Variants in DPP10 observed in about 807,000 individuals in gnomAD.
The protein encoded by DPP10 is dipeptidyl peptidase like 10, also known as inactive dipeptidyl peptidase 10.
A neutral mutation model predicts 120.9 loss-of-function variants in DPP10; 33 were observed. That is an observed-to-expected ratio of 0.27 (90% CI 0.21 to 0.37). DPP10 has a LOEUF of 0.37. Among genes scored for constraint, DPP10 ranks in the 10% least tolerant of loss-of-function variants. The pLI is 1.00. For synonymous variants in DPP10, 337 were observed against 326.1 expected (o/e 1.03, Z -0.36); for missense variants, 816 against 942.8 (o/e 0.87, Z 1.76).
At chr2:115,182,050 C>G (rs1042164045) in intron 1 of DPP10, among the ~76,000 whole-genome samples, 1 of 152,034 alleles carries the variant, frequency 6.6e-6, no homozygotes, top group Non-Finnish European at 1.5e-5. Flanking sequence ...TACATTTTCA[C>G]TGTAAAATAG....
intron 19 of DPP10, among the ~76,000 whole-genome samples, chr2:115,801,255 G>A (rs1277073059): frequency 1.3e-5 from 2 of 152,058 alleles, no homozygotes; most frequent in Admixed American, 6.6e-5. Flanking sequence ...TTGGTGTATA[G>A]GAAGGCTTGT....
At chr2:115,568,865 G>A (rs1271215083) in intron 5 of DPP10, among the ~76,000 whole-genome samples, 1 of 152,044 alleles carries the variant, frequency 6.6e-6, no homozygotes, top group African/African-American at 2.4e-5. Context: ...GAATAAATTG[G>A]CCACATTGGG....
At chr2:115,720,394 A>T (rs1223865830) in intron 7 of DPP10, among the ~76,000 whole-genome samples, 1 of 152,176 alleles carries the variant, frequency 6.6e-6, no homozygotes, top group Non-Finnish European at 1.5e-5. Context: ...AAAATGCAGC[A>T]TATTGCTTAG....
intron 1 of DPP10, among the ~76,000 whole-genome samples, chr2:115,133,646 C>T (rs894650552): frequency 1.1e-4 from 16 of 152,038 alleles, no homozygotes; most frequent in Non-Finnish European, 2.4e-4. Flanking sequence ...CTCATGGAAA[C>T]GCAGCTCTTA....
At chr2:115,545,372 T>C (rs1449872716) in intron 5 of DPP10, among the ~76,000 whole-genome samples, 2 of 152,136 alleles carry the variant, frequency 1.3e-5, no homozygotes, top group Non-Finnish European at 2.9e-5. Flanking sequence ...GAGTTCACAG[T>C]GTAGTTGGGA....
chr2:115,017,581 T>C (rs1488119127), intron 1 of DPP10, among the ~76,000 whole-genome samples: 2 of 152,084 alleles, frequency 1.3e-5, no homozygotes, highest in East Asian at 1.9e-4. Context: ...CTATTCACAA[T>C]AGCAAAGACC....
intron 7 of DPP10, among the ~76,000 whole-genome samples, chr2:115,712,759 G>A (rs1389065312): frequency 1.3e-5 from 2 of 151,022 alleles, no homozygotes; most frequent in Non-Finnish European, 2.9e-5. Flanking sequence ...TTTTATTGTA[G>A]TTATTCAAAA....
chr2:115,023,874 T>C (rs1573344967), intron 1 of DPP10, among the ~76,000 whole-genome samples: 1 of 152,096 alleles, frequency 6.6e-6, no homozygotes, highest in African/African-American at 2.4e-5. Context: ...CTGGATGGAA[T>C]TGGAGACTAT....
In DPP10 at chr2:114,654,420, G is replaced by C. The variant is rs1489395529; in HGVS notation, c.60+211582G>C. 4.6e-5 allele frequency among the ~76,000 whole-genome samples: 7 copies of C among 152,162 alleles called. 1 individual carries two copies. The highest frequency in any genetic ancestry group is 4.6e-4 in the Admixed American group (7 of 15,276). ...GTGGAAGAAAGAAGAAAAAAGCAGAGTGAAATTTTATAGGGTGGGGAAAAC... is the reference window on the plus strand; with the variant it reads ...GTGGAAGAAAGAAGAAAAAAGCAGACTGAAATTTTATAGGGTGGGGAAAAC... On this transcript the variant is annotated intron_variant, in intron 1 of 25. Coordinates refer to ENST00000410059, the MANE Select transcript of DPP10 (RefSeq NM_020868.6).
chr2:114,532,276 TATATATATATATATATATATAC>T (rs1385494421), intron 1 of DPP10, among the ~76,000 whole-genome samples: 582 of 52,258 alleles, frequency 0.011, 15 homozygotes, highest in African/African-American at 0.036. Context: ...TATATATATA[TATATATATATATATATATATAC>T]ACACACACAC....
intron 1 of DPP10, among the ~76,000 whole-genome samples, chr2:114,583,296 C>T (rs1690692014): frequency 6.6e-6 from 1 of 150,976 alleles, no homozygotes; most frequent in South Asian, 2.1e-4. Flanking sequence ...GAAATTGGTG[C>T]CTGGCCTATG....
At chr2:115,816,318 C>T (rs1687222175) in intron 21 of DPP10, among the ~76,000 whole-genome samples, 1 of 152,174 alleles carries the variant, frequency 6.6e-6, no homozygotes, top group South Asian at 2.1e-4. Flanking sequence ...ATTTAGGACT[C>T]TCTGATGAGG....
At chr2:115,093,260 A>G (rs1709429881) in intron 1 of DPP10, among the ~76,000 whole-genome samples, 1 of 152,162 alleles carries the variant, frequency 6.6e-6, no homozygotes. Context: ...GAATCAGCCA[A>G]CATGAATTCA....
chr2:115,590,832 G>C (rs923457466), intron 5 of DPP10, among the ~76,000 whole-genome samples: 2 of 152,168 alleles, frequency 1.3e-5, no homozygotes, highest in South Asian at 2.1e-4. Context: ...AGCACCTGTT[G>C]TTTCCTGACT....
chr2:115,342,325 G>A, intron 2 of DPP10: 1 of 265,298 alleles, frequency 3.8e-6, no homozygotes, highest in Non-Finnish European at 7.5e-6. Flanking sequence ...TCCCACCTCA[G>A]CCTCGCAAGT....
At chr2:115,635,922 T>C (rs2086285898) in intron 5 of DPP10, among the ~76,000 whole-genome samples, 1 of 152,150 alleles carries the variant, frequency 6.6e-6, no homozygotes, top group Non-Finnish European at 1.5e-5. Flanking sequence ...AAGAATAGAA[T>C]ATTCATGTTT....
chr2:115,374,873 G>T (rs1438608369), intron 3 of DPP10, among the ~76,000 whole-genome samples: 3 of 152,212 alleles, frequency 2.0e-5, no homozygotes, highest in Admixed American at 6.5e-5. Flanking sequence ...GCACAGAGCA[G>T]CTGGCCCTTG....
chr2:114,497,394 TA>T (rs1402255868), intron 1 of DPP10, among the ~76,000 whole-genome samples: 13 of 126,600 alleles, frequency 1.0e-4, no homozygotes, highest in African/African-American at 4.2e-4. Flanking sequence ...TACATACACA[TA>T]CATATACATA....
intron 1 of DPP10, among the ~76,000 whole-genome samples, chr2:114,503,916 C>G (rs945255013): frequency 6.6e-6 from 1 of 152,120 alleles, no homozygotes; most frequent in Admixed American, 6.6e-5. Context: ...TAGAGGATCC[C>G]TTGTATATTT....
Sources: allele counts gnomAD v4.1 joint callset (sites outside exome capture counted in the v4.1 genomes callset), GRCh38; gene constraint gnomAD v4.1.1; transcripts MANE v1.5; gene names NCBI Gene and HGNC (gene_info 2026-07-23, HGNC 2026-07-21).